Variants in PTPRA observed in about 807,000 individuals in gnomAD.
The protein encoded by PTPRA is receptor-type tyrosine-protein phosphatase alpha.
In PTPRA, 25 loss-of-function variants were observed where a neutral mutation model predicts 104.8. The ratio of observed to expected loss-of-function variants is 0.24; its 90% confidence interval spans 0.17 to 0.33. The LOEUF (loss-of-function observed/expected upper bound fraction) is 0.33, where lower values mean the gene tolerates loss of function less well. PTPRA is among the 10% of genes least tolerant of loss of function. PTPRA has a pLI of 1.00. For missense variants in PTPRA, 765 were observed against 1,015.3 expected (o/e 0.75, Z 3.35); for synonymous variants, 323 against 368.9 (o/e 0.88, Z 1.43).
intron 1 of PTPRA, among the ~76,000 whole-genome samples, chr20:2,895,874 A>G (rs1049303800): frequency 1.3e-5 from 2 of 152,134 alleles, no homozygotes; most frequent in Admixed American, 6.6e-5. Flanking sequence ...CATGATGTAC[A>G]ATGTCTTTTT....
chr20:2,897,987 A>AAC lies in PTPRA; in HGVS notation c.-129+24227_-129+24228insAC, dbSNP rs1174490720. Among the ~76,000 whole-genome samples, 25 of 136,012 alleles carry AAC rather than the reference A, an allele frequency of 1.8e-4. 1 individual carries two copies. The highest frequency in any genetic ancestry group is 7.1e-4 in the African/African-American group (25 of 35,446). 89.2% of individuals were successfully genotyped at this position (136,012 alleles called of 152,430 possible). ...GGGTGCAATGGCGTGCTCTTTGTTC[A>AAC]CTGCAACCTCCACCTCCCAGGTTCA... On this transcript the variant is annotated intron_variant, in intron 1 of 23. Transcript: ENST00000399903.
chr20:3,001,981 A>G (rs752397131), intron 9 of PTPRA, among the ~76,000 whole-genome samples: 7 of 152,144 alleles, frequency 4.6e-5, no homozygotes, highest in Non-Finnish European at 1.0e-4. Context: ...AAAAATAAAA[A>G]TTAAAAAATT....
chr20:2,929,754 G>A (rs1373358472), intron 2 of PTPRA, among the ~76,000 whole-genome samples: 3 of 152,134 alleles, frequency 2.0e-5, no homozygotes, highest in African/African-American at 7.2e-5. Flanking sequence ...GAGCCCAGGA[G>A]CTCGAGGCTG....
At chr20:2,987,795 T>C (rs2062969560) in intron 7 of PTPRA, 1 of 597,502 alleles carries the variant, frequency 1.7e-6, no homozygotes, top group Admixed American at 2.2e-5. Flanking sequence ...AGCCTGAATA[T>C]ACTGTTGGGG....
the PTPRA span, chr20:2,866,739 T>A: frequency 9.4e-7 from 1 of 1,061,972 alleles, no homozygotes; most frequent in South Asian, 1.6e-5. Flanking sequence ...TTCACAGTGC[T>A]TGTCTTACAC....
intron 2 of PTPRA, among the ~76,000 whole-genome samples, chr20:2,927,864 G>A (rs2060361106): frequency 6.6e-6 from 1 of 151,980 alleles, no homozygotes; most frequent in Non-Finnish European, 1.5e-5. Flanking sequence ...ACAAAAATTA[G>A]CCAGGCGTGG....
chr20:2,930,268 AAATACG>A (rs2060459756), intron 2 of PTPRA, among the ~76,000 whole-genome samples: 1 of 152,170 alleles, frequency 6.6e-6, no homozygotes, highest in Non-Finnish European at 1.5e-5. Context: ...AGACAAAGTA[AAATACG>A]AGCTGGCCAC....
In PTPRA at chr20:2,923,544, A is replaced by T. The variant is rs150959718; in HGVS notation, c.-50+259A>T. Reference sequence around the variant, plus strand: ...CTGGGCATGGTGGATCACGCCTGTAATCCCAGCACTTTGGGAGGCCGAGGC... The same window carrying T: ...CTGGGCATGGTGGATCACGCCTGTATTCCCAGCACTTTGGGAGGCCGAGGC... On this transcript the variant is annotated intron_variant, in intron 2 of 23. Transcript: ENST00000399903. 6.8e-3 allele frequency among the ~76,000 whole-genome samples: 1,029 copies of T among 152,096 alleles called. 11 individuals carry two copies. The highest frequency in any genetic ancestry group is 0.023 in the African/African-American group (969 of 41,454).
chr20:2,986,871 A>G (rs368545870), intron 7 of PTPRA, 22 bp downstream of exon 7: 2 of 1,561,096 alleles, frequency 1.3e-6, no homozygotes, highest in African/African-American at 1.4e-5. Context: ...AACACTTCAC[A>G]TTCTCTTAGA....
rs1204274102 is a variant in PTPRA, at chr20:3,022,551, C to G, written c.1329-138C>G. 8.8e-6 allele frequency: 11 copies of G among 1,249,354 alleles called. No individual in the cohort carries two copies. Among genetic ancestry groups the G allele is most frequent in the Non-Finnish European group, 1.2e-5 (11 of 906,580 alleles). The allele number at this position is 1,249,354 out of a possible 1,614,324, so 77.4% of individuals were successfully genotyped here. A position where few individuals can be genotyped will look rare whatever the true frequency, so the allele number is the denominator to read the frequency against. ...CAGGACATACTGGAGTTGTTGGCTC[C>G]TGGAGAGCCCCAGCTCTACCCCATT... is the stretch of plus-strand genomic sequence containing the variant. On this transcript the variant is annotated intron_variant, in intron 15 of 23. Coordinates refer to ENST00000399903, the MANE Select transcript of PTPRA (RefSeq NM_001385305.1). The surrounding 1 kb of genome is among the most constrained non-coding windows in gnomAD (Gnocchi z 4.6).
At chr20:2,931,183 C>G (rs2060490294) in intron 2 of PTPRA, among the ~76,000 whole-genome samples, 1 of 152,080 alleles carries the variant, frequency 6.6e-6, no homozygotes, top group African/African-American at 2.4e-5. Flanking sequence ...CCCTCTCTCT[C>G]CCTGTGAGTC....
intron 1 of PTPRA, among the ~76,000 whole-genome samples, chr20:2,917,445 C>T (rs1015953426): frequency 3.3e-5 from 5 of 152,016 alleles, no homozygotes; most frequent in East Asian, 1.9e-4. Flanking sequence ...GTCTCCTTTC[C>T]TCCCTTGTTA....
intron 13 of PTPRA, among the ~76,000 whole-genome samples, chr20:3,019,300 G>A (rs1336896468): frequency 2.0e-5 from 3 of 150,790 alleles, no homozygotes; most frequent in African/African-American, 2.4e-5. Flanking sequence ...GGGCAGAGAC[G>A]CTCCTCACTT....
chr20:2,929,254 C>T (rs1270782059), intron 2 of PTPRA, among the ~76,000 whole-genome samples: 15 of 152,078 alleles, frequency 9.9e-5, no homozygotes, highest in Admixed American at 9.8e-4. Context: ...ACCTGGCCTG[C>T]TGTTTTTTCT....
chr20:2,919,528 C>G (rs756872200), intron 1 of PTPRA, among the ~76,000 whole-genome samples: 6 of 152,176 alleles, frequency 3.9e-5, no homozygotes, highest in Non-Finnish European at 5.9e-5. Flanking sequence ...AAGACACAGT[C>G]CTTACCCTCA....
At chr20:2,874,993 A>C (rs2089618141) in intron 1 of PTPRA, among the ~76,000 whole-genome samples, 1 of 152,036 alleles carries the variant, frequency 6.6e-6, no homozygotes, top group Admixed American at 6.6e-5. Context: ...TTTTTCTTTT[A>C]AAGTTCTTCT....
At chr20:2,912,878 A>G (rs985079393) in intron 1 of PTPRA, among the ~76,000 whole-genome samples, 2 of 152,220 alleles carry the variant, frequency 1.3e-5, no homozygotes, top group Non-Finnish European at 1.5e-5. Flanking sequence ...TACTTTGACT[A>G]TCCAGAAATT....
chr20:2,877,321 C>T lies in PTPRA; in HGVS notation c.-129+3561C>T, dbSNP rs1351285965. On this transcript the variant is annotated intron_variant, in intron 1 of 23. Transcript: ENST00000399903. ...TGTTGCCCAGGCTGGAATGCAATGG[C>T]GCTATCTTGGCTCACGCAACTTTTG... is the stretch of plus-strand genomic sequence containing the variant. 3.3e-5 allele frequency among the ~76,000 whole-genome samples: 5 copies of T among 152,140 alleles called. No homozygotes were observed. In the East Asian group the frequency reaches 7.7e-4, roughly 23 times the overall value.
rs974202495 is a variant in PTPRA at position 3,004,945 on chromosome 20, T to G, written c.739-111T>G. The G allele has an allele frequency of 7.3e-6, 7 of 954,556 alleles. No homozygotes were observed. The African/African-American group carries it at 8.2e-5, about 11-fold the overall frequency. 59.1% of individuals were successfully genotyped at this position (954,556 alleles called of 1,614,324 possible). ...AGGTATTCACCTGGGCCCATGTTTT[T>G]CCCCCCAGGAAAAGGTAGAACATGC... On this transcript the variant is annotated intron_variant, in intron 9 of 23. Transcript: ENST00000399903.
Sources: allele counts gnomAD v4.1 joint callset (sites outside exome capture counted in the v4.1 genomes callset), GRCh38; gene constraint gnomAD v4.1.1; non-coding constraint Gnocchi (gnomAD v3.1); transcripts MANE v1.5; gene names NCBI Gene and HGNC (gene_info 2026-07-23, HGNC 2026-07-21).